PARD3: variants seen among roughly 807,000 people sequenced by gnomAD.
PARD3 encodes the protein partitioning defective 3 homolog.
In PARD3, 75 loss-of-function variants were observed where a neutral mutation model predicts 155.4. The observed-to-expected ratio is 0.48, with a 90% CI of 0.40 to 0.58. The LOEUF is 0.58. Ranked by LOEUF, PARD3 falls within the 20% of genes least tolerant of loss-of-function variation. PARD3 has a pLI of 0.00. For missense variants in PARD3, 1,642 were observed against 1,721.7 expected, an observed-to-expected ratio of 0.95 and a Z score of 0.82; for synonymous variants, 576 against 610.5, an observed-to-expected ratio of 0.94 and a Z score of 0.83.
intron 5 of PARD3, among the ~76,000 whole-genome samples, chr10:34,447,480 CAAAAAAAAAAAAAAAAAAAAAAA>C (rs745637071): frequency 3.0e-4 from 11 of 37,212 alleles, no homozygotes; most frequent in East Asian, 9.0e-4. Context: ...GACTGCGTCT[CAAAAAAAAAAAAAAAAAAAAAAA>C]AAAAAAAAAA....
intron 19 of PARD3, among the ~76,000 whole-genome samples, chr10:34,319,938 T>C (rs960240335): frequency 6.6e-6 from 1 of 152,200 alleles, no homozygotes; most frequent in African/African-American, 2.4e-5. Flanking sequence ...AAATGGAAGC[T>C]AGTGAATTTT....
chr10:34,425,447 G>A (rs192592563), intron 5 of PARD3, among the ~76,000 whole-genome samples: 6 of 152,202 alleles, frequency 3.9e-5, no homozygotes, highest in South Asian at 2.1e-4. Context: ...ATAGGGTCTC[G>A]CTCTGTGGCA....
At chr10:34,335,643 C>T (rs1269568599) in intron 18 of PARD3, among the ~76,000 whole-genome samples, 1 of 152,006 alleles carries the variant, frequency 6.6e-6, no homozygotes, top group East Asian at 1.9e-4. Flanking sequence ...GATATGAAGC[C>T]ATATGCATTA....
At chr10:34,629,018 T>C (rs1367812556) in intron 2 of PARD3, among the ~76,000 whole-genome samples, 4 of 152,024 alleles carry the variant, frequency 2.6e-5, no homozygotes, top group Non-Finnish European at 4.4e-5. Flanking sequence ...TCCCCCAAAA[T>C]GGGGAAAGAG....
intron 3 of PARD3, among the ~76,000 whole-genome samples, chr10:34,473,539 A>T (rs2078502916): frequency 1.3e-5 from 2 of 152,264 alleles, no homozygotes; most frequent in South Asian, 4.1e-4. Flanking sequence ...ATAAAAAAAA[A>T]AAAAATAGAC....
intron 22 of PARD3, among the ~76,000 whole-genome samples, chr10:34,148,955 T>G (rs561635289): frequency 1.3e-5 from 2 of 152,286 alleles, no homozygotes; most frequent in African/African-American, 4.8e-5. Context: ...TATAACCCTT[T>G]TAATTGTTGA....
chr10:34,465,165 GT>G (rs544528870), intron 4 of PARD3, among the ~76,000 whole-genome samples: 58 of 152,160 alleles, frequency 3.8e-4, no homozygotes, highest in African/African-American at 1.3e-3. Flanking sequence ...CACAACCATT[GT>G]TTTTTTGTTG....
At chr10:34,432,252 A>T (rs2075973829) in intron 5 of PARD3, among the ~76,000 whole-genome samples, 1 of 151,550 alleles carries the variant, frequency 6.6e-6, no homozygotes, top group Non-Finnish European at 1.5e-5. Flanking sequence ...GGAGAGGGAG[A>T]CAAATATTAC....
intron 5 of PARD3, among the ~76,000 whole-genome samples, chr10:34,412,116 T>C (rs1845143957): frequency 1.3e-5 from 2 of 151,942 alleles, no homozygotes; most frequent in South Asian, 4.2e-4. Context: ...GTGTGCATCA[T>C]CGCACCTGGC....
intron 2 of PARD3, among the ~76,000 whole-genome samples, chr10:34,661,237 C>G (rs963715194): frequency 1.3e-5 from 2 of 152,084 alleles, no homozygotes; most frequent in African/African-American, 4.8e-5. Context: ...ACTTGAGAAA[C>G]AAGGAACAAA....
intron 16 of PARD3, among the ~76,000 whole-genome samples, chr10:34,339,114 G>C (rs1357186156): frequency 2.6e-5 from 4 of 152,136 alleles, no homozygotes; most frequent in Non-Finnish European, 5.9e-5. Flanking sequence ...ACACAATCTT[G>C]CAACAGCAAA....
At chr10:34,581,571 A>T (rs2087491773) in intron 2 of PARD3, among the ~76,000 whole-genome samples, 1 of 152,148 alleles carries the variant, frequency 6.6e-6, no homozygotes, top group African/African-American at 2.4e-5. Flanking sequence ...GTTAAAAACC[A>T]TTGCACAGAG....
chr10:34,579,554 CTGTGTGTGTGTGTGTGTGTG>C (rs554959827), intron 2 of PARD3, among the ~76,000 whole-genome samples: 1 of 122,468 alleles, frequency 8.2e-6, no homozygotes, highest in Non-Finnish European at 1.8e-5. Flanking sequence ...ACCATTTTCT[CTGTGTGTGTGTGTGTGTGTG>C]TGTGTGTGTG....
chr10:34,756,080 A>C (rs1175764898), intron 1 of PARD3, among the ~76,000 whole-genome samples: 2 of 151,136 alleles, frequency 1.3e-5, no homozygotes, highest in African/African-American at 4.9e-5. Context: ...ATCTGGGTTG[A>C]AATCACTGTA....
intron 22 of PARD3, among the ~76,000 whole-genome samples, chr10:34,225,737 C>T (rs1326252147): frequency 6.6e-6 from 1 of 152,078 alleles, no homozygotes; most frequent in East Asian, 1.9e-4. Flanking sequence ...AAAATTATCT[C>T]AAAATGGACC....
chr10:34,149,024 T>C (rs1948655248), intron 22 of PARD3, among the ~76,000 whole-genome samples: 1 of 152,184 alleles, frequency 6.6e-6, no homozygotes, highest in South Asian at 2.1e-4. Flanking sequence ...CAGAAAATGC[T>C]GTCAATTAAA....
At chr10:34,316,962 T>C in intron 20 of PARD3, 145 bp downstream of exon 20, 2 of 565,030 alleles carry the variant, frequency 3.5e-6, no homozygotes, top group Non-Finnish European at 5.8e-6. Context: ...TTTGGAATCC[T>C]GGGCTCCAGC....
intron 5 of PARD3, among the ~76,000 whole-genome samples, chr10:34,411,293 G>A (rs1347402963): frequency 1.3e-5 from 2 of 152,178 alleles, no homozygotes; most frequent in Non-Finnish European, 2.9e-5. Context: ...TAGTGAAAGT[G>A]AAGTATATAT....
intron 7 of PARD3, among the ~76,000 whole-genome samples, chr10:34,387,210 T>G (rs1210667210): frequency 2.0e-5 from 3 of 152,068 alleles, no homozygotes; most frequent in African/African-American, 7.3e-5. Context: ...GACTAACAAT[T>G]AGTATGTTTT....
Sources: allele counts gnomAD v4.1 joint callset (sites outside exome capture counted in the v4.1 genomes callset), GRCh38; gene constraint gnomAD v4.1.1; transcripts MANE v1.5; gene names NCBI Gene and HGNC (gene_info 2026-07-23, HGNC 2026-07-21).